The following TSC22D3 variants were observed in gnomAD, a reference collection of about 807,000 sequenced individuals.
TSC22D3 encodes TSC22 domain family protein 3.
Under a neutral mutation model 11.1 loss-of-function variants are expected in TSC22D3, and 4 were observed. The ratio of observed to expected loss-of-function variants is 0.36; its 90% CI spans 0.18 to 0.83. TSC22D3 has a LOEUF of 0.83. Among genes scored for constraint, TSC22D3 ranks in the 40% least tolerant of loss-of-function variants. The pLI is 0.48. For synonymous variants in TSC22D3, 77 were observed against 70.3 expected (o/e 1.10, Z -0.48); for missense variants, 118 against 159.4 (o/e 0.74, Z 1.40).
At chrX:107,736,879 G>A (rs954072678) in intron 1 of TSC22D3, among the ~76,000 whole-genome samples, 1 of 111,312 alleles carries the variant, frequency 9.0e-6, no homozygotes, top group South Asian at 3.8e-4. Flanking sequence ...TGCTGAGGGC[G>A]GTGACTATCA....
At chrX:107,729,158 T>C (rs1434130124) in intron 1 of TSC22D3, among the ~76,000 whole-genome samples, 1 of 112,215 alleles carries the variant, frequency 8.9e-6, no homozygotes, top group African/African-American at 3.2e-5. Flanking sequence ...ATTGGGGATG[T>C]TAATCTTCAG....
At chrX:107,729,858 T>C (rs1006273811) in intron 1 of TSC22D3, among the ~76,000 whole-genome samples, 1 of 112,952 alleles carries the variant, frequency 8.9e-6, no homozygotes, top group Non-Finnish European at 1.9e-5. Flanking sequence ...GTAGAACAGC[T>C]TAAAATAAGT....
At chrX:107,770,947 A>G (rs995843131) in intron 1 of TSC22D3, among the ~76,000 whole-genome samples, 4 of 112,244 alleles carry the variant, frequency 3.6e-5, no homozygotes, top group Non-Finnish European at 7.5e-5. Flanking sequence ...ACAAGGGGGA[A>G]GTCCCCTAAC....
intron 1 of TSC22D3, among the ~76,000 whole-genome samples, chrX:107,761,659 C>T (rs1255321243): frequency 2.7e-5 from 3 of 111,796 alleles, no homozygotes; most frequent in African/African-American, 9.8e-5. Context: ...CACAGTCTTC[C>T]TGATCCTGAT....
intron 1 of TSC22D3, among the ~76,000 whole-genome samples, chrX:107,771,736 A>C (rs1929914202): frequency 8.9e-6 from 1 of 112,471 alleles, no homozygotes; most frequent in African/African-American, 3.2e-5. Flanking sequence ...TACAAGATTG[A>C]AAGGATGGTG....
At chrX:107,771,564 G>A (rs1011070919) in intron 1 of TSC22D3, among the ~76,000 whole-genome samples, 1 of 111,928 alleles carries the variant, frequency 8.9e-6, no homozygotes, top group African/African-American at 3.3e-5. Context: ...CAGCCTGGGC[G>A]ACAGAACAAG....
intron 1 of TSC22D3, among the ~76,000 whole-genome samples, chrX:107,718,801 A>G (rs1042231031): frequency 7.1e-5 from 8 of 112,260 alleles, no homozygotes; most frequent in African/African-American, 2.6e-4. Flanking sequence ...GACAATAATG[A>G]TCTCAGGACA....
At chrX:107,761,789 G>A (rs1164695760) in intron 1 of TSC22D3, among the ~76,000 whole-genome samples, 1 of 112,198 alleles carries the variant, frequency 8.9e-6, no homozygotes, top group Non-Finnish European at 1.9e-5. Context: ...TGAGCTGGAG[G>A]AGCTTCAAAA....
chrX:107,717,582 A>G (rs1244046061), intron 1 of TSC22D3, among the ~76,000 whole-genome samples: 1 of 111,660 alleles, frequency 9.0e-6, no homozygotes, highest in Admixed American at 9.4e-5. Context: ...CCTGCCCTGA[A>G]CCCCAGCACT....
At chrX:107,746,804 G>A (rs1307975305) in intron 1 of TSC22D3, among the ~76,000 whole-genome samples, 1 of 112,274 alleles carries the variant, frequency 8.9e-6, no homozygotes, top group Non-Finnish European at 1.9e-5. Flanking sequence ...AGGAGTCTGC[G>A]CTCAATACAT....
chrX:107,717,122 A>G, intron 1 of TSC22D3: 2 of 878,247 alleles, frequency 2.3e-6, no homozygotes, highest in South Asian at 6.9e-5. Flanking sequence ...ACATGGCGTC[A>G]GGGGCCATGC....
chrX:107,770,764 G>A (rs1195623981), intron 1 of TSC22D3, among the ~76,000 whole-genome samples: 2 of 112,299 alleles, frequency 1.8e-5, no homozygotes, highest in East Asian at 2.8e-4. Flanking sequence ...TACTGTCAAA[G>A]CTCCTGTTAC....
At chrX:107,747,431 G>A (rs1928722076) in intron 1 of TSC22D3, among the ~76,000 whole-genome samples, 1 of 112,648 alleles carries the variant, frequency 8.9e-6, no homozygotes. Context: ...CATCTAAGTG[G>A]TGGGCACTGT....
chrX:107,774,707 C>T (rs908288345), intron 1 of TSC22D3, among the ~76,000 whole-genome samples: 1 of 111,998 alleles, frequency 8.9e-6, no homozygotes, highest in Non-Finnish European at 1.9e-5. Flanking sequence ...TCTGATTTTG[C>T]ACATTTGAGA....
intron 1 of TSC22D3, among the ~76,000 whole-genome samples, chrX:107,750,375 A>G (rs937904111): frequency 3.6e-5 from 4 of 111,018 alleles, no homozygotes; most frequent in Non-Finnish European, 5.7e-5. Flanking sequence ...AGAGGCTAAA[A>G]GGAATTGGCC....
At chrX:107,741,606 A>G (rs1308440688) in intron 1 of TSC22D3, among the ~76,000 whole-genome samples, 3 of 112,867 alleles carry the variant, frequency 2.7e-5, no homozygotes, top group Admixed American at 9.3e-5. Context: ...ATTGGACTGT[A>G]TCTTCCTAAG....
At chrX:107,717,850 A>G (rs1225021890) in intron 1 of TSC22D3, among the ~76,000 whole-genome samples, 3 of 112,274 alleles carry the variant, frequency 2.7e-5, no homozygotes, top group African/African-American at 9.7e-5. Flanking sequence ...ACAAGATGCC[A>G]GCCCTTTTCT....
intron 1 of TSC22D3, among the ~76,000 whole-genome samples, chrX:107,725,433 C>T (rs897353980): frequency 3.6e-5 from 4 of 111,376 alleles, no homozygotes; most frequent in African/African-American, 9.8e-5. Flanking sequence ...GTGTTTTGGA[C>T]GCAGCTCTTT....
At chrX:107,739,899 G>C (rs1307945120) in intron 1 of TSC22D3, among the ~76,000 whole-genome samples, 1 of 112,542 alleles carries the variant, frequency 8.9e-6, no homozygotes, top group Non-Finnish European at 1.9e-5. Flanking sequence ...TATCAGCCCA[G>C]TGGTGTGTGA....
Sources: allele counts gnomAD v4.1 joint callset (sites outside exome capture counted in the v4.1 genomes callset), GRCh38; gene constraint gnomAD v4.1.1; transcripts MANE v1.5; gene names NCBI Gene and HGNC (gene_info 2026-07-23, HGNC 2026-07-21).